The following ZNF407 variants were observed in gnomAD, a reference collection of about 807,000 sequenced individuals.
The protein encoded by ZNF407 is zinc finger protein 407.
ZNF407 carries 17 observed loss-of-function variants against 131.2 expected under a neutral mutation model. That is an observed-to-expected ratio of 0.13 (90% CI 0.09 to 0.19). The LOEUF (loss-of-function observed/expected upper bound fraction) is 0.19, where lower values mean the gene tolerates loss of function less well. Ranked by LOEUF, ZNF407 falls within the 10% of genes least tolerant of loss-of-function variation. The pLI is 1.00. For missense variants in ZNF407, 2,681 were observed against 2,830.6 expected, an observed-to-expected ratio of 0.95 and a Z score of 1.20; for synonymous variants, 1,156 against 1,062.0, an observed-to-expected ratio of 1.09 and a Z score of -1.72.
At chr18:74,804,279 T>C in intron 4 of ZNF407, 1 of 1,190,052 alleles carries the variant, frequency 8.4e-7, no homozygotes. Context: ...CTCAGTTTTA[T>C]AAAATTGTCA....
At chr18:74,928,635 A>G (rs1384903552) in intron 8 of ZNF407, among the ~76,000 whole-genome samples, 1 of 152,190 alleles carries the variant, frequency 6.6e-6, no homozygotes, top group Non-Finnish European at 1.5e-5. Context: ...GTAATGCTAT[A>G]CCAGAGTCAG....
At chr18:74,699,407 A>T (rs1276822723) in intron 3 of ZNF407, among the ~76,000 whole-genome samples, 1 of 152,178 alleles carries the variant, frequency 6.6e-6, no homozygotes, top group East Asian at 1.9e-4. Context: ...CTGGGGTCTG[A>T]TAACTGAAGG....
At chr18:74,727,144 A>G (rs543641015) in intron 3 of ZNF407, among the ~76,000 whole-genome samples, 1 of 152,350 alleles carries the variant, frequency 6.6e-6, no homozygotes, top group South Asian at 2.1e-4. Flanking sequence ...TTTTCTTGAT[A>G]GAACATAGAA....
chr18:74,742,757 A>T (rs1968579701), intron 3 of ZNF407, among the ~76,000 whole-genome samples: 1 of 152,172 alleles, frequency 6.6e-6, no homozygotes, highest in South Asian at 2.1e-4. Context: ...GCAGTGATGC[A>T]TCATTCCTGT....
At chr18:75,058,601 C>A (rs1383092414) in intron 8 of ZNF407, among the ~76,000 whole-genome samples, 1 of 152,172 alleles carries the variant, frequency 6.6e-6, no homozygotes, top group Non-Finnish European at 1.5e-5. Context: ...ATCCATGCCC[C>A]ATTAAGGCTT....
intron 8 of ZNF407, among the ~76,000 whole-genome samples, chr18:75,004,816 C>T (rs766579560): frequency 1.4e-4 from 21 of 152,176 alleles, no homozygotes; most frequent in Non-Finnish European, 2.8e-4. Flanking sequence ...TCAAAGTAGT[C>T]CCAAGTGCTT....
chr18:74,813,847 A>G lies in ZNF407; in HGVS notation c.4877+32345A>G, dbSNP rs1397551484. Among the ~76,000 whole-genome samples, 4 of 152,150 alleles carry G rather than the reference A, an allele frequency of 2.6e-5. No individual in the cohort carries two copies. The East Asian group carries it at 5.8e-4, about 22-fold the overall frequency. On this transcript the variant is annotated intron_variant, in intron 4 of 8. Transcript: ENST00000299687. ...AGCAGCTTTGGTTTGCAGGATCTAT[A>G]TATCCTATCAGGAAGTGGAAATTCC...
In ZNF407 at chr18:74,937,779, G is replaced by A. The variant is rs145637528; in HGVS notation, c.5428+17087G>A. Among the ~76,000 whole-genome samples the A allele has an allele frequency of 8.9e-3, 1,353 of 152,148 alleles. 17 individuals carry two copies. Among genetic ancestry groups the A allele is most frequent in the African/African-American group, 0.031 (1,266 of 41,498 alleles). On this transcript the variant is annotated intron_variant, in intron 8 of 8. Transcript: ENST00000299687. The stretch of plus-strand genomic sequence containing the variant: ...CAAAATACAATTTTTTGATCACCAG[G>A]CAGGGGATCAATTAGATCAAAGACC...
chr18:74,938,884 G>A (rs1268142908), intron 8 of ZNF407, among the ~76,000 whole-genome samples: 1 of 152,210 alleles, frequency 6.6e-6, no homozygotes, highest in Non-Finnish European at 1.5e-5. Flanking sequence ...GTGTTTGCAG[G>A]AAGCAAATAG....
intron 4 of ZNF407, among the ~76,000 whole-genome samples, chr18:74,841,451 G>T (rs1970632468): frequency 6.6e-6 from 1 of 152,050 alleles, no homozygotes; most frequent in South Asian, 2.1e-4. Context: ...AAAGTTGGCG[G>T]TACTCCCAAA....
In ZNF407 at chr18:74,781,953, A is replaced by G. The variant is rs182508249; in HGVS notation, c.4877+451A>G. 2.0e-5 allele frequency among the ~76,000 whole-genome samples: 3 copies of G among 152,306 alleles called. No homozygotes were observed. In the East Asian group the frequency reaches 5.8e-4, roughly 29 times the overall value. On this transcript the variant is annotated intron_variant, in intron 4 of 8. Transcript: ENST00000299687. ...CTTGTGTCATCCCCCAAATAATACT[A>G]CAGTTGCCATGTCATGAAAAATAAC...
rs1216561722 is a variant in ZNF407 at position 74,881,089 on chromosome 18, G to A, written c.5098G>A (p.Ala1700Thr). 3.8e-6 allele frequency: 6 copies of A among 1,581,394 alleles called. No individual in the cohort carries two copies. Among genetic ancestry groups the A allele is most frequent in the Admixed American group, 3.5e-5 (2 of 56,402 alleles). The part of the protein sequence containing the change: ...LCGFAGGTRH[A>T]LTKHRRQHTG... Reference sequence around the variant, plus strand: ...CGGCTTTGCCGGCGGGACCCGCCACGCCCTCACCAAGCATCGCAGACAGCA... The same window carrying A: ...CGGCTTTGCCGGCGGGACCCGCCACACCCTCACCAAGCATCGCAGACAGCA... Residue 1700 changes from alanine (A) to threonine (T), a missense_variant, in exon 6 of 9, where the codon GCC (alanine) becomes ACC (threonine). By Grantham distance (58) the Ala-to-Thr change is moderately conservative (BLOSUM62 0). Around this residue, in one of 6 missense-constraint regions of ZNF407, gnomAD observed 213 missense variants for 332.2 expected, o/e 0.64. Coordinates refer to ENST00000299687, the MANE Select transcript of ZNF407 (RefSeq NM_017757.3).
At chr18:74,740,307 G>A (rs545276801) in intron 3 of ZNF407, among the ~76,000 whole-genome samples, 34 of 152,178 alleles carry the variant, frequency 2.2e-4, no homozygotes, top group African/African-American at 7.9e-4. Flanking sequence ...TCTTATGACT[G>A]CATTTATTTT....
intron 8 of ZNF407, among the ~76,000 whole-genome samples, chr18:75,016,871 C>T (rs1394155997): frequency 6.6e-6 from 1 of 152,066 alleles, no homozygotes; most frequent in East Asian, 1.9e-4. Flanking sequence ...GAAGGAGTCC[C>T]AGCATTTGTA....
At chr18:75,012,080 C>T (rs34005792) in intron 8 of ZNF407, among the ~76,000 whole-genome samples, 113,498 of 152,080 alleles carry the variant, frequency 0.75, 43,463 homozygotes, top group Non-Finnish European at 0.83. Context: ...TTAAAGTAAA[C>T]CTGTAACACT....
chr18:74,737,702 C>T (rs2144911339), intron 3 of ZNF407, among the ~76,000 whole-genome samples: 1 of 152,304 alleles, frequency 6.6e-6, no homozygotes, highest in Non-Finnish European at 1.5e-5. Context: ...TGTGTACACA[C>T]ATGCATACAC....
In ZNF407 at chr18:74,745,314, A is replaced by G. The variant is rs76981446; in HGVS notation, c.4803-36114A>G. On this transcript the variant is annotated intron_variant, in intron 3 of 8. Transcript: ENST00000299687. ...AAAAAAGTTTTATGGAAAGTAAGTC[A>G]TTAGATGGAAGTTGTCTAACTTGGA... Among the ~76,000 whole-genome samples, 8 of 152,282 alleles carry G rather than the reference A, an allele frequency of 5.3e-5. No homozygotes were observed. The East Asian group carries it at 1.5e-3, about 29-fold the overall frequency.
chr18:74,927,810 TAAC>T (rs1040158851), intron 8 of ZNF407, among the ~76,000 whole-genome samples: 6 of 148,764 alleles, frequency 4.0e-5, no homozygotes, highest in African/African-American at 4.9e-5. Flanking sequence ...ATGAATCTCA[TAAC>T]AACAAACATA....
intron 8 of ZNF407, among the ~76,000 whole-genome samples, chr18:74,951,772 AACTT>A (rs769378065): frequency 6.6e-5 from 10 of 152,172 alleles, no homozygotes; most frequent in African/African-American, 9.7e-5. Context: ...TTTTAGAAAT[AACTT>A]ACTTTCTAAA....
Sources: allele counts gnomAD v4.1 joint callset (sites outside exome capture counted in the v4.1 genomes callset), GRCh38; gene constraint gnomAD v4.1.1; regional missense constraint gnomAD v4.1.1; transcripts MANE v1.5; gene names NCBI Gene and HGNC (gene_info 2026-07-23, HGNC 2026-07-21).